The following BLNK variants were observed in gnomAD, a reference collection of about 807,000 sequenced individuals.
BLNK encodes B-cell linker protein.
In BLNK, 29 loss-of-function variants were observed where a neutral mutation model predicts 73.5. That is an observed-to-expected ratio of 0.39 (90% CI 0.29 to 0.54). The LOEUF (loss-of-function observed/expected upper bound fraction) is 0.54, where lower values mean the gene tolerates loss of function less well. BLNK is among the 20% of genes least tolerant of loss of function. The pLI is 0.61. For missense variants in BLNK, 460 were observed against 562.8 expected (o/e 0.82, Z 1.85); for synonymous variants, 176 against 200.8 (o/e 0.88, Z 1.04).
At chr10:96,210,863 G>GTTTTTTTTTT (rs377260098) in intron 8 of BLNK, among the ~76,000 whole-genome samples, 1 of 121,950 alleles carries the variant, frequency 8.2e-6, no homozygotes, top group African/African-American at 3.3e-5. Flanking sequence ...CCACAATTCC[G>GTTTTTTTTTT]TTTTTTTTTT....
At chr10:96,254,750 A>G (rs1554910562) in intron 1 of BLNK, among the ~76,000 whole-genome samples, 3 of 152,228 alleles carry the variant, frequency 2.0e-5, no homozygotes, top group African/African-American at 7.2e-5. Flanking sequence ...ACCTCAGGTA[A>G]TCCGCCCACC....
At chr10:96,207,627 C>A (rs782725717) in intron 10 of BLNK, among the ~76,000 whole-genome samples, 16 of 152,220 alleles carry the variant, frequency 1.1e-4, no homozygotes, top group Non-Finnish European at 2.1e-4. Context: ...CCCCTCTGAT[C>A]TGCTGCGCAC....
chr10:96,199,982 C>T (rs147008878), intron 15 of BLNK, 93 bp downstream of exon 15: 20 of 889,556 alleles, frequency 2.2e-5, no homozygotes, highest in African/African-American at 8.9e-5. Flanking sequence ...GAGCTGAGAT[C>T]GAGCCACTGC....
At chr10:96,245,878 A>G (rs1217697710) in intron 2 of BLNK, among the ~76,000 whole-genome samples, 1 of 152,192 alleles carries the variant, frequency 6.6e-6, no homozygotes, top group Non-Finnish European at 1.5e-5. Flanking sequence ...TACCATGACA[A>G]TGTCCCTTTC....
intron 5 of BLNK, among the ~76,000 whole-genome samples, chr10:96,226,069 G>C (rs1842245369): frequency 6.6e-6 from 1 of 152,216 alleles, no homozygotes; most frequent in African/African-American, 2.4e-5. Context: ...ACAGAGCCGA[G>C]TTGTGATGAG....
At chr10:96,229,841 TGAA>T (rs1334078158) in intron 4 of BLNK, among the ~76,000 whole-genome samples, 1 of 152,134 alleles carries the variant, frequency 6.6e-6, no homozygotes, top group Non-Finnish European at 1.5e-5. Context: ...TTTCTGCAGT[TGAA>T]GAAGGAGGAA....
rs1198352533 is a variant in BLNK at position 96,190,300 on chromosome 10, TGGAATCACGCCAGTAG to T, written c.*1657_*1672del. The stretch of plus-strand genomic sequence containing the variant: ...TGCTCAAGAGAACAGCCATACAGGA[TGGAATCACGCCAGTAG>T]TATTGTTCCTGTGTGTCTCTTCATA... On this transcript the variant is annotated 3_prime_UTR_variant, in exon 17 of 17. Transcript: ENST00000224337. The T allele has an allele frequency of 2.8e-5, 18 of 645,730 alleles. No individual in the cohort carries two copies. The East Asian group carries it at 4.9e-4, about 18-fold the overall frequency. 40.0% of individuals were successfully genotyped at this position (645,730 alleles called of 1,614,324 possible).
chr10:96,228,402 T>C (rs1455644482), intron 4 of BLNK, among the ~76,000 whole-genome samples: 1 of 152,122 alleles, frequency 6.6e-6, no homozygotes, highest in Admixed American at 6.5e-5. Context: ...GGATTACAAA[T>C]TGCACCACCA....
intron 10 of BLNK, 133 bp downstream of exon 10, chr10:96,207,739 T>C (rs1351645990): frequency 9.3e-7 from 1 of 1,078,566 alleles, no homozygotes; most frequent in Non-Finnish European, 1.4e-6. Context: ...TCTCTTGGAC[T>C]GCTTGGGCAG....
At position 96,209,907 on chromosome 10, in the gene BLNK, C is replaced by T; in HGVS notation, c.677G>A (p.Gly226Asp). 3.1e-6 allele frequency: 5 copies of T among 1,614,222 alleles called. No homozygotes were observed. The South Asian group carries it at 4.4e-5, about 14-fold the overall frequency. The part of the protein sequence containing the change: ...TPASPPGTAS[G>D]RNSGAWETKS... ...GGTTTCCCAGGCCCCACTGTTTCGA[C>T]CTGCACAAACATATACACTACTCAG... Residue 226 changes from glycine (G) to aspartate (D), a missense_variant and splice_region_variant, in exon 9 of 17, where the codon GGT (glycine) becomes GAT (aspartate). Physicochemically the swap from Gly to Asp is moderately conservative, Grantham distance 94 (BLOSUM62 -1). Transcript: ENST00000224337.
chr10:96,206,024 G>A (rs1390388590), intron 11 of BLNK, among the ~76,000 whole-genome samples: 1 of 152,160 alleles, frequency 6.6e-6, no homozygotes, highest in Non-Finnish European at 1.5e-5. Flanking sequence ...GCAGAAGAAA[G>A]CAATACAGCA....
chr10:96,255,709 G>A (rs1192386290), intron 1 of BLNK, among the ~76,000 whole-genome samples: 1 of 152,088 alleles, frequency 6.6e-6, no homozygotes, highest in Non-Finnish European at 1.5e-5. Context: ...GTGTTCATAG[G>A]CTGGTCCTCC....
At chr10:96,227,671 G>C in intron 4 of BLNK, 105 bp from the exon 5 acceptor site, 1 of 1,558,666 alleles carries the variant, frequency 6.4e-7, no homozygotes, top group Non-Finnish European at 8.8e-7. Context: ...AGGAGACAAG[G>C]CTTGGAGAGG....
Position 96,204,077 on chromosome 10 carries a change from T to G in BLNK, c.914A>C (p.Gln305Pro). The G allele has an allele frequency of 6.2e-7, 1 of 1,613,974 alleles. No homozygotes were observed. Among genetic ancestry groups the G allele is most frequent in the Non-Finnish European group, 8.5e-7 (1 of 1,179,840 alleles). The change falls in exon 13 of 17, where the codon CAA (glutamine) becomes CCA (proline). Residue 305 changes from glutamine (Q) to proline (P), a missense_variant. Transcript: ENST00000224337. ...VFPPAQKQIH[Q>P]KPIPLPRFTE... ...CTTACTTGGCAGAGGTATGGGTTTTTGGTGGATTTGTCTGCAAGAAAGAAT... is the reference window on the plus strand; with the variant it reads ...CTTACTTGGCAGAGGTATGGGTTTTGGGTGGATTTGTCTGCAAGAAAGAAT...
At chr10:96,238,934 C>T (rs1258101472) in intron 3 of BLNK, 19 of 391,892 alleles carry the variant, frequency 4.8e-5, no homozygotes, top group Non-Finnish European at 8.5e-5. Context: ...CATTCAGATC[C>T]CCTGGAGATC....
At chr10:96,203,423 T>C (rs7088458) in intron 13 of BLNK, among the ~76,000 whole-genome samples, 62,049 of 152,082 alleles carry the variant, frequency 0.41, 13,481 homozygotes, top group Non-Finnish European at 0.49. Flanking sequence ...TTTAAATGGA[T>C]TTAAGCTTTA....
At chr10:96,257,283 C>A (rs1843559323) in intron 1 of BLNK, among the ~76,000 whole-genome samples, 1 of 152,162 alleles carries the variant, frequency 6.6e-6, no homozygotes, top group Non-Finnish European at 1.5e-5. Context: ...CCCTTGGAGA[C>A]CTTTCCTCGG....
In BLNK at chr10:96,191,293, G is replaced by A; in HGVS notation, c.*680C>T. 6.8e-6 allele frequency among the ~76,000 whole-genome samples: 1 copy of A among 146,746 alleles called. No homozygotes were observed. The highest frequency in any genetic ancestry group is 2.0e-4 in the East Asian group (1 of 5,054). ...AGTCTTGAGTATGTCTTTATTAGCAGCGTGATAATGGACTAATACAAACCT... is the reference window on the plus strand; with the variant it reads ...AGTCTTGAGTATGTCTTTATTAGCAACGTGATAATGGACTAATACAAACCT... On this transcript the variant is annotated 3_prime_UTR_variant, in exon 17 of 17. Coordinates refer to ENST00000224337, the MANE Select transcript of BLNK (RefSeq NM_013314.4).
At chr10:96,208,050 G>A (rs1236962313) in intron 9 of BLNK, 151 bp from the exon 10 acceptor site, 3 of 827,240 alleles carry the variant, frequency 3.6e-6, no homozygotes, top group East Asian at 5.3e-5. Context: ...AGGGATGGAA[G>A]TGGGATTTAG....
Sources: gnomAD v4.1 joint callset for allele counts (sites outside exome capture counted in the v4.1 genomes callset) on GRCh38, gnomAD v4.1.1 for gene constraint, MANE v1.5 for transcripts, NCBI Gene and HGNC (gene_info 2026-07-23, HGNC 2026-07-21) for gene names.